ADGRL2: variants seen among roughly 807,000 people sequenced by gnomAD.
ADGRL2 encodes the protein calcium-independent alpha-latrotoxin receptor 2.
A neutral mutation model predicts 157.4 loss-of-function variants in ADGRL2; 44 were observed. The observed-to-expected ratio is 0.28, with a 90% confidence interval of 0.22 to 0.36. The LOEUF is 0.36. ADGRL2 is among the 10% of genes least tolerant of loss of function. ADGRL2 has a pLI of 1.00. For missense variants in ADGRL2, 1,510 were observed against 1,768.9 expected, an observed-to-expected ratio of 0.85 and a Z score of 2.63; for synonymous variants, 585 against 624.7, an observed-to-expected ratio of 0.94 and a Z score of 0.95.
chr1:81,501,664 C>T lies in ADGRL2; in HGVS notation c.-248+56575C>T, dbSNP rs1570297810. ...GGGCCTGAGCGGCCGCCTCCTCCGC[C>T]ACCCGAAAACCCGGAGTGCCCCGCA... On this transcript the variant is annotated intron_variant, in intron 2 of 24. Coordinates refer to the ADGRL2 transcript ENST00000370721. 18 of 1,470,632 alleles carry T rather than the reference C, an allele frequency of 1.2e-5. No individual in the cohort carries two copies. In the East Asian group the frequency reaches 4.1e-4, roughly 34 times the overall value. The allele number at this position is 1,470,632 out of a possible 1,614,324, so 91.1% of individuals were successfully genotyped here.
At chr1:81,966,990 T>G (rs1168149301) in intron 13 of ADGRL2, among the ~76,000 whole-genome samples, 3 of 152,204 alleles carry the variant, frequency 2.0e-5, no homozygotes, top group African/African-American at 7.2e-5. Flanking sequence ...GCAAAATTTT[T>G]TTCATTAGTT....
At chr1:81,527,480 G>A (rs1200102625) in intron 2 of ADGRL2, among the ~76,000 whole-genome samples, 1 of 152,188 alleles carries the variant, frequency 6.6e-6, no homozygotes, top group East Asian at 1.9e-4. Context: ...GGGAGACCAA[G>A]GCAGGTGGAT....
chr1:81,784,214 T>A (rs1290106351), intron 2 of ADGRL2, among the ~76,000 whole-genome samples: 1 of 152,236 alleles, frequency 6.6e-6, no homozygotes, highest in East Asian at 1.9e-4. Context: ...TCAACAGATC[T>A]TTTTCAAGGT....
At chr1:81,550,275 G>T (rs2080114817) in intron 2 of ADGRL2, among the ~76,000 whole-genome samples, 1 of 152,140 alleles carries the variant, frequency 6.6e-6, no homozygotes, top group African/African-American at 2.4e-5. Context: ...AAAGCCTTTT[G>T]TAAAGCTAGA....
At chr1:81,923,265 C>T (rs1426382713) in intron 3 of ADGRL2, among the ~76,000 whole-genome samples, 1 of 152,096 alleles carries the variant, frequency 6.6e-6, no homozygotes, top group Non-Finnish European at 1.5e-5. Flanking sequence ...CAGTGGTAGT[C>T]AATTTGATAA....
intron 3 of ADGRL2, among the ~76,000 whole-genome samples, chr1:81,603,936 A>T (rs764925064): frequency 4.0e-5 from 6 of 150,994 alleles, no homozygotes; most frequent in Non-Finnish European, 5.9e-5. Context: ...CAATCTTTTC[A>T]CTAGATCATA....
At chr1:81,926,081 A>G (rs1363855455) in intron 3 of ADGRL2, among the ~76,000 whole-genome samples, 1 of 152,016 alleles carries the variant, frequency 6.6e-6, no homozygotes, top group Admixed American at 6.6e-5. Context: ...CAGACCAGAA[A>G]AGCCATTTGT....
chr1:81,464,100 T>C (rs1455592197), intron 2 of ADGRL2, among the ~76,000 whole-genome samples: 1 of 152,200 alleles, frequency 6.6e-6, no homozygotes, highest in South Asian at 2.1e-4. Context: ...CTTGAAATGA[T>C]TGATACTTAA....
chr1:81,557,456 A>AAGAAAG (rs2080316260), intron 2 of ADGRL2: 1 of 52,388 alleles, frequency 1.9e-5, no homozygotes, highest in Non-Finnish European at 4.0e-5. Context: ...AGAGAGAAAG[A>AAGAAAG]AAGAAAGAAA....
chr1:81,881,745 C>T (rs189625870), intron 2 of ADGRL2, among the ~76,000 whole-genome samples: 1 of 152,250 alleles, frequency 6.6e-6, no homozygotes, highest in African/African-American at 2.4e-5. Context: ...CTTATATATC[C>T]TTCCGTGTAT....
intron 3 of ADGRL2, among the ~76,000 whole-genome samples, chr1:81,678,415 A>C (rs1244475355): frequency 6.6e-6 from 1 of 152,206 alleles, no homozygotes; most frequent in Non-Finnish European, 1.5e-5. Flanking sequence ...TTGGATAATT[A>C]TTTAGGGATG....
intron 2 of ADGRL2, 76 bp from the exon 3 acceptor site, chr1:81,906,941 A>ATGT: frequency 8.7e-7 from 1 of 1,154,262 alleles, no homozygotes; most frequent in Non-Finnish European, 1.3e-6. Flanking sequence ...GAATCATATT[A>ATGT]CTTGAAAATG....
intron 22 of ADGRL2, among the ~76,000 whole-genome samples, 157 bp from the exon 23 acceptor site, chr1:81,987,712 A>G (rs559700373): frequency 6.6e-6 from 1 of 152,054 alleles, no homozygotes; most frequent in Non-Finnish European, 1.5e-5. Flanking sequence ...TCACATAATT[A>G]CTGCTAGCAT....
At chr1:81,484,590 A>G (rs1449424134) in intron 2 of ADGRL2, among the ~76,000 whole-genome samples, 1 of 152,174 alleles carries the variant, frequency 6.6e-6, no homozygotes, top group East Asian at 1.9e-4. Context: ...ATGTGGTTCA[A>G]TTTTATTATT....
intron 1 of ADGRL2, among the ~76,000 whole-genome samples, chr1:81,359,242 A>G (rs1460805237): frequency 1.3e-5 from 2 of 152,076 alleles, no homozygotes; most frequent in African/African-American, 4.8e-5. Context: ...CCTAATACGT[A>G]TATTTGATTA....
chr1:81,874,628 TCTTG>T (rs766045147), intron 2 of ADGRL2, among the ~76,000 whole-genome samples: 1 of 102,894 alleles, frequency 9.7e-6, no homozygotes, highest in South Asian at 4.5e-4. Context: ...TCTTGTCTTG[TCTTG>T]TCTTGTCCTG....
At chr1:81,971,821 A>G (rs959806120) in intron 16 of ADGRL2, 31 bp from the exon 17 acceptor site, 3 of 1,226,478 alleles carry the variant, frequency 2.4e-6, no homozygotes, top group Non-Finnish European at 3.6e-6. Flanking sequence ...CATAGAAACT[A>G]CTAATGCATA....
intron 3 of ADGRL2, among the ~76,000 whole-genome samples, chr1:81,592,996 G>A (rs2081163015): frequency 6.6e-6 from 1 of 152,062 alleles, no homozygotes; most frequent in Admixed American, 6.6e-5. Flanking sequence ...TTCTGTTTAT[G>A]ACCTAGAAGC....
At chr1:81,896,532 A>T (rs1380452244) in intron 2 of ADGRL2, among the ~76,000 whole-genome samples, 1 of 152,044 alleles carries the variant, frequency 6.6e-6, no homozygotes, top group Non-Finnish European at 1.5e-5. Context: ...ACATTTTCTG[A>T]TGATGTTCAT....
Sources: allele counts gnomAD v4.1 joint callset (sites outside exome capture counted in the v4.1 genomes callset), GRCh38; gene constraint gnomAD v4.1.1; transcripts MANE v1.5; gene names NCBI Gene and HGNC (gene_info 2026-07-23, HGNC 2026-07-21).